NR3C1: variants seen among roughly 807,000 people sequenced by gnomAD.
NR3C1 encodes nuclear receptor subfamily 3 group C member 1, also known as glucocorticoid receptor.
In NR3C1, 14 loss-of-function variants were observed where a neutral mutation model predicts 74.0. The observed-to-expected ratio is 0.19, with a 90% CI of 0.12 to 0.30. The LOEUF is 0.30. Among genes scored for constraint, NR3C1 ranks in the 10% least tolerant of loss-of-function variants. NR3C1 has a pLI of 1.00. For synonymous variants in NR3C1, 308 were observed against 332.5 expected (o/e 0.93, Z 0.80); for missense variants, 695 against 909.8 (o/e 0.76, Z 3.04).
intron 2 of NR3C1, among the ~76,000 whole-genome samples, chr5:143,389,056 C>A (rs1395256827): frequency 6.6e-6 from 1 of 152,130 alleles, no homozygotes; most frequent in Non-Finnish European, 1.5e-5. Context: ...TGAATCAAAT[C>A]TTGTTTCCCA....
chr5:143,376,597 C>G (rs1600397713), intron 2 of NR3C1, among the ~76,000 whole-genome samples: 1 of 152,168 alleles, frequency 6.6e-6, no homozygotes, highest in African/African-American at 2.4e-5. Flanking sequence ...TGCATAATCA[C>G]CTCCTTGGCA....
chr5:143,372,656 C>T (rs1394447859), intron 2 of NR3C1, among the ~76,000 whole-genome samples: 2 of 152,128 alleles, frequency 1.3e-5, no homozygotes, highest in South Asian at 4.1e-4. Context: ...AGCTGGTCAC[C>T]ATCTGGCCTA....
intron 2 of NR3C1, among the ~76,000 whole-genome samples, chr5:143,366,782 T>C (rs962044090): frequency 4.6e-5 from 7 of 152,242 alleles, no homozygotes; most frequent in Admixed American, 2.0e-4. Context: ...AATGGACTTA[T>C]AACAAACAAG....
At chr5:143,383,683 G>GA (rs1455151058) in intron 2 of NR3C1, among the ~76,000 whole-genome samples, 3 of 152,138 alleles carry the variant, frequency 2.0e-5, no homozygotes, top group Non-Finnish European at 4.4e-5. Context: ...GAAGGAGCCT[G>GA]AATTCTAGAC....
At chr5:143,349,056 T>G (rs553301548) in intron 2 of NR3C1, among the ~76,000 whole-genome samples, 1 of 152,060 alleles carries the variant, frequency 6.6e-6, no homozygotes, top group African/African-American at 2.4e-5. Context: ...AGAAGCCTCT[T>G]CTACAGATTT....
intron 2 of NR3C1, among the ~76,000 whole-genome samples, chr5:143,342,322 G>A (rs1399086384): frequency 6.6e-6 from 1 of 152,172 alleles, no homozygotes; most frequent in Non-Finnish European, 1.5e-5. Context: ...CAACATCTCT[G>A]AGAATGGGTT....
chr5:143,279,434 G>A lies in NR3C1; in HGVS notation c.*2455C>T, dbSNP rs552256509. 16 of 1,502,006 alleles carry A rather than the reference G, an allele frequency of 1.1e-5. No homozygotes were observed. Among genetic ancestry groups the A allele is most frequent in the Middle Eastern group, 1.7e-4 (1 of 5,818 alleles). The allele number at this position is 1,502,006 out of a possible 1,614,324, so 93.0% of individuals were successfully genotyped here. ...ATTCTATAAAGGAATGATAATCTAC[G>A]TTTTAGAAGCTCTTTTTGAAACTTA... On this transcript the variant is annotated 3_prime_UTR_variant, in exon 9 of 9. Transcript: ENST00000394464.
At chr5:143,344,030 T>C (rs190315791) in intron 2 of NR3C1, among the ~76,000 whole-genome samples, 11 of 152,328 alleles carry the variant, frequency 7.2e-5, no homozygotes, top group African/African-American at 2.2e-4. Context: ...TTTTTCTAAA[T>C]TGTAGAATTT....
At chr5:143,380,389 T>C (rs1835969508) in intron 2 of NR3C1, among the ~76,000 whole-genome samples, 1 of 152,126 alleles carries the variant, frequency 6.6e-6, no homozygotes. Context: ...CACTGAATCA[T>C]ACAAAAACCA....
intron 2 of NR3C1, among the ~76,000 whole-genome samples, chr5:143,343,472 A>G (rs1233128326): frequency 6.6e-6 from 1 of 152,224 alleles, no homozygotes; most frequent in African/African-American, 2.4e-5. Flanking sequence ...ACTAATAGAA[A>G]TTAACACTAT....
intron 2 of NR3C1, among the ~76,000 whole-genome samples, chr5:143,363,465 A>G (rs1007441997): frequency 6.6e-6 from 1 of 152,184 alleles, no homozygotes; most frequent in African/African-American, 2.4e-5. Flanking sequence ...ACTAGACTTC[A>G]TAGACAAAGA....
chr5:143,419,485 C>T (rs1184406563), intron 1 of NR3C1, among the ~76,000 whole-genome samples: 2 of 152,088 alleles, frequency 1.3e-5, no homozygotes, highest in Non-Finnish European at 2.9e-5. Context: ...TAAGCGTCAG[C>T]CAGTTTGAGA....
chr5:143,422,851 C>A lies in NR3C1; in HGVS notation c.-14+11681G>T, dbSNP rs1016555016. Among the ~76,000 whole-genome samples, 7 of 152,106 alleles carry A rather than the reference C, an allele frequency of 4.6e-5. No individual in the cohort carries two copies. The East Asian group carries it at 5.8e-4, about 13-fold the overall frequency. ...TAAGGTTGTAAGAATAAATGAGATGCCCCTTAAAACAGTGCCTGGAATGAC... is the reference window on the plus strand; with the variant it reads ...TAAGGTTGTAAGAATAAATGAGATGACCCTTAAAACAGTGCCTGGAATGAC... On this transcript the variant is annotated intron_variant, in intron 1 of 8. Coordinates refer to the NR3C1 transcript ENST00000343796.
chr5:143,314,292 G>T, intron 2 of NR3C1, 124 bp from the exon 3 acceptor site: 2 of 935,576 alleles, frequency 2.1e-6, no homozygotes, highest in Non-Finnish European at 3.4e-6. Context: ...GTGCTAGCAG[G>T]CACTAAAATA....
chr5:143,397,685 G>A (rs1053860365), intron 2 of NR3C1, among the ~76,000 whole-genome samples: 1 of 151,772 alleles, frequency 6.6e-6, no homozygotes, highest in African/African-American at 2.4e-5. Context: ...AATTTCATTT[G>A]ATATTAAAGA....
intron 2 of NR3C1, among the ~76,000 whole-genome samples, chr5:143,342,444 C>G (rs1421711900): frequency 6.6e-6 from 1 of 152,178 alleles, no homozygotes; most frequent in Non-Finnish European, 1.5e-5. Context: ...CTCAGACCTC[C>G]AGGGGAGGAG....
chr5:143,296,778 A>C (rs1302446480), intron 6 of NR3C1, among the ~76,000 whole-genome samples: 2 of 152,152 alleles, frequency 1.3e-5, no homozygotes, highest in Admixed American at 6.5e-5. Context: ...ATAGTGGGCT[A>C]AGAAAAAAGG....
chr5:143,426,659 T>C (rs970965227), intron 1 of NR3C1, among the ~76,000 whole-genome samples: 3 of 152,264 alleles, frequency 2.0e-5, no homozygotes, highest in African/African-American at 7.2e-5. Context: ...CACATGATAA[T>C]TCATCTGCTC....
intron 1 of NR3C1, among the ~76,000 whole-genome samples, chr5:143,415,586 AT>A (rs1841450702): frequency 2.6e-5 from 4 of 152,224 alleles, no homozygotes; most frequent in Admixed American, 2.6e-4. Context: ...ATCAAATGTT[AT>A]TGGACATCTT....
Sources: gnomAD v4.1 joint callset for allele counts (sites outside exome capture counted in the v4.1 genomes callset) on GRCh38, gnomAD v4.1.1 for gene constraint, MANE v1.5 for transcripts, NCBI Gene and HGNC (gene_info 2026-07-23, HGNC 2026-07-21) for gene names.